The following PCDH15 variants were observed in gnomAD, a reference collection of about 807,000 sequenced individuals.
PCDH15 encodes the protein protocadherin related 15.
Under a neutral mutation model 178.5 loss-of-function variants are expected in PCDH15, and 129 were observed. That is an observed-to-expected ratio of 0.72 (90% CI 0.63 to 0.84). The LOEUF (loss-of-function observed/expected upper bound fraction) is 0.84. PCDH15 is among the 40% of genes least tolerant of loss of function. The pLI is 0.00. For missense variants in PCDH15, 2,230 were observed against 2,099.9 expected, an observed-to-expected ratio of 1.06 and a Z score of -1.21; for synonymous variants, 800 against 732.0, an observed-to-expected ratio of 1.09 and a Z score of -1.50.
intron 2 of PCDH15, among the ~76,000 whole-genome samples, chr10:55,605,556 G>C (rs1424651934): frequency 6.6e-6 from 1 of 150,710 alleles, no homozygotes; most frequent in Admixed American, 6.6e-5. Context: ...CCATGATCAA[G>C]TGGGCTTCAT....
chr10:53,812,163 T>C (rs2075889720), intron 35 of PCDH15, among the ~76,000 whole-genome samples: 1 of 152,186 alleles, frequency 6.6e-6, no homozygotes, highest in Non-Finnish European at 1.5e-5. Flanking sequence ...AGGATGTTTA[T>C]ACTTTAAAAC....
At chr10:55,076,944 T>C (rs893124593) in intron 2 of PCDH15, among the ~76,000 whole-genome samples, 2 of 151,690 alleles carry the variant, frequency 1.3e-5, no homozygotes, top group Non-Finnish European at 2.9e-5. Flanking sequence ...AATTTTGGTA[T>C]TTTTAGTAAA....
intron 2 of PCDH15, among the ~76,000 whole-genome samples, chr10:55,467,520 G>A (rs548277785): frequency 1.2e-4 from 19 of 152,076 alleles, no homozygotes; most frequent in African/African-American, 4.1e-4. Context: ...TTAATGTCAT[G>A]GGATGGATGT....
intron 9 of PCDH15, among the ~76,000 whole-genome samples, chr10:54,225,411 C>T (rs2053322048): frequency 6.6e-6 from 1 of 152,158 alleles, no homozygotes; most frequent in African/African-American, 2.4e-5. Flanking sequence ...CTTTCACTAG[C>T]CAGTTCTCTA....
rs549802094 is a variant in PCDH15 at position 55,140,539 on chromosome 10, A to T, written c.-80+26037T>A. Reference sequence around the variant, plus strand: ...TTTGCACGTATTGAACTAGCCTTACATTCATGACATACTGTTAAGAAGTTT... The same window carrying T: ...TTTGCACGTATTGAACTAGCCTTACTTTCATGACATACTGTTAAGAAGTTT... On this transcript the variant is annotated intron_variant, in intron 2 of 5. Transcript: ENST00000458638. 2.6e-5 allele frequency among the ~76,000 whole-genome samples: 4 copies of T among 152,076 alleles called. No individual in the cohort carries two copies. The South Asian group carries it at 8.3e-4, about 32-fold the overall frequency.
At chr10:54,179,288 G>A (rs553248393) in intron 13 of PCDH15, among the ~76,000 whole-genome samples, 32 of 151,928 alleles carry the variant, frequency 2.1e-4, no homozygotes, top group African/African-American at 6.0e-4. Flanking sequence ...ATGAAATTGG[G>A]AATCATCATT....
At chr10:55,126,241 C>A (rs185568388) in intron 2 of PCDH15, among the ~76,000 whole-genome samples, 2 of 152,066 alleles carry the variant, frequency 1.3e-5, no homozygotes, top group Admixed American at 1.3e-4. Flanking sequence ...TTCCTAAGCA[C>A]ATCTTTCTCA....
chr10:54,608,714 C>T (rs1282665285), intron 2 of PCDH15, among the ~76,000 whole-genome samples: 2 of 151,946 alleles, frequency 1.3e-5, no homozygotes, highest in Non-Finnish European at 2.9e-5. Context: ...ACAATTCTGA[C>T]TTTCACATTG....
At chr10:53,808,976 C>A in intron 37 of PCDH15, 1 of 1,560,264 alleles carries the variant, frequency 6.4e-7, no homozygotes, top group Non-Finnish European at 8.7e-7. Flanking sequence ...TGTTCTTCTT[C>A]TTCCATCTTA....
chr10:55,357,517 C>T (rs1422620120), intron 2 of PCDH15, among the ~76,000 whole-genome samples: 1 of 151,906 alleles, frequency 6.6e-6, no homozygotes, highest in Non-Finnish European at 1.5e-5. Context: ...TATTAATTAT[C>T]TTATTATACT....
At chr10:54,517,084 A>T (rs370008080) in intron 3 of PCDH15, among the ~76,000 whole-genome samples, 1 of 152,170 alleles carries the variant, frequency 6.6e-6, no homozygotes, top group Admixed American at 6.6e-5. Context: ...AAGGAACAAC[A>T]GGTACCAGCC....
chr10:55,356,078 A>C (rs1232913196), intron 2 of PCDH15, among the ~76,000 whole-genome samples: 3 of 151,924 alleles, frequency 2.0e-5, no homozygotes, highest in East Asian at 1.9e-4. Context: ...CTCCAACTAC[A>C]TTCTACTAAT....
At chr10:54,130,731 C>T (rs2042369292) in intron 15 of PCDH15, among the ~76,000 whole-genome samples, 1 of 152,126 alleles carries the variant, frequency 6.6e-6, no homozygotes, top group South Asian at 2.1e-4. Flanking sequence ...ACTATATTTC[C>T]CCTCAAATTC....
chr10:54,700,836 A>C (rs898568363), intron 1 of PCDH15, among the ~76,000 whole-genome samples: 1 of 152,050 alleles, frequency 6.6e-6, no homozygotes, highest in African/African-American at 2.4e-5. Context: ...CCAAGGGCCA[A>C]CACTTAAATT....
intron 3 of PCDH15, among the ~76,000 whole-genome samples, chr10:54,858,353 A>C (rs117147569): frequency 2.1e-3 from 323 of 152,246 alleles, no homozygotes; most frequent in Non-Finnish European, 3.0e-3. Context: ...GCTATTGTGA[A>C]AGGTGCTGCA....
At chr10:55,344,122 A>C (rs1323225327) in intron 2 of PCDH15, among the ~76,000 whole-genome samples, 1 of 152,128 alleles carries the variant, frequency 6.6e-6, no homozygotes, top group East Asian at 1.9e-4. Context: ...GAAGAATGAG[A>C]TGAAATATAT....
intron 13 of PCDH15, among the ~76,000 whole-genome samples, chr10:54,159,524 A>C (rs1334343831): frequency 6.6e-6 from 1 of 152,194 alleles, no homozygotes; most frequent in Non-Finnish European, 1.5e-5. Flanking sequence ...CATATTTTAA[A>C]TGCTAATTTA....
chr10:54,748,314 G>C (rs1487972571), intron 1 of PCDH15, among the ~76,000 whole-genome samples: 1 of 152,078 alleles, frequency 6.6e-6, no homozygotes, highest in African/African-American at 2.4e-5. Context: ...AAAATTGTTA[G>C]TTTAGATTTT....
In PCDH15 at chr10:54,779,410, A is replaced by G. The variant is rs1223715278; in HGVS notation, c.-29+21515T>C. ...TCTCTCTCTCTATATATATATGTAT[A>G]TATATATATATACACACACATATGT... On this transcript the variant is annotated intron_variant, in intron 1 of 37. Transcript: ENST00000644397. 7.1e-4 allele frequency among the ~76,000 whole-genome samples: 75 copies of G among 106,010 alleles called. 2 individuals are homozygous for G. The highest frequency in any genetic ancestry group is 7.0e-3 in the South Asian group (20 of 2,838). The allele number at this position is 106,010 out of a possible 152,430, so 69.5% of individuals were successfully genotyped here.
Sources: allele counts gnomAD v4.1 joint callset (sites outside exome capture counted in the v4.1 genomes callset), GRCh38; gene constraint gnomAD v4.1.1; transcripts MANE v1.5; gene names NCBI Gene and HGNC (gene_info 2026-07-23, HGNC 2026-07-21).